Variants in TMCC2 observed in about 807,000 individuals in gnomAD.
TMCC2 encodes the protein transmembrane and coiled-coil domains protein 2.
In TMCC2, 16 loss-of-function variants were observed where a neutral mutation model predicts 49.4. The observed-to-expected ratio is 0.32, with a 90% confidence interval of 0.22 to 0.49. TMCC2 has a LOEUF of 0.49. Ranked by LOEUF, TMCC2 falls within the 20% of genes least tolerant of loss-of-function variation. The pLI is 0.99. For synonymous variants in TMCC2, 397 were observed against 434.1 expected (o/e 0.91, Z 1.06); for missense variants, 762 against 989.8 (o/e 0.77, Z 3.09).
chr1:205,257,410 G>T, intron 2 of TMCC2: 1 of 1,231,996 alleles, frequency 8.1e-7, no homozygotes, highest in South Asian at 4.1e-5. Flanking sequence ...CACCGGGCGG[G>T]GTGGAGTTGG....
chr1:205,228,931 A>G, intron 1 of TMCC2, 160 bp downstream of exon 1: 5 of 1,427,252 alleles, frequency 3.5e-6, no homozygotes, highest in Non-Finnish European at 4.6e-6. Flanking sequence ...GACGTCAGGT[A>G]CCATTTATGC....
At chr1:205,263,423 G>T (rs1189786996) in intron 2 of TMCC2, among the ~76,000 whole-genome samples, 5 of 152,160 alleles carry the variant, frequency 3.3e-5, no homozygotes, top group South Asian at 4.1e-4. Context: ...GTGCAGCTTG[G>T]CTCAGGCCTG....
At chr1:205,256,073 C>T (rs1660859021) in intron 2 of TMCC2, 1 of 641,722 alleles carries the variant, frequency 1.6e-6, no homozygotes, top group Admixed American at 3.3e-5. Flanking sequence ...GCCTGCAAGC[C>T]CTGGCACTGG....
At chr1:205,257,568 G>A (rs901498836) in intron 2 of TMCC2, among the ~76,000 whole-genome samples, 2 of 152,218 alleles carry the variant, frequency 1.3e-5, no homozygotes, top group African/African-American at 4.8e-5. Context: ...GAGAGCCCCT[G>A]GGGTTGGATG....
chr1:205,234,760 A>G (rs1011617381), intron 1 of TMCC2, among the ~76,000 whole-genome samples: 2 of 151,822 alleles, frequency 1.3e-5, no homozygotes, highest in Non-Finnish European at 2.9e-5. Context: ...CCCGGGTTCA[A>G]GCGGTTCTCC....
chr1:205,263,400 A>G (rs966245410), intron 2 of TMCC2, among the ~76,000 whole-genome samples: 1 of 152,192 alleles, frequency 6.6e-6, no homozygotes, highest in Non-Finnish European at 1.5e-5. Flanking sequence ...GTAAAAACCC[A>G]CAGTCTGGCC....
At chr1:205,244,280 G>T (rs115593867) in intron 2 of TMCC2, among the ~76,000 whole-genome samples, 3 of 152,180 alleles carry the variant, frequency 2.0e-5, no homozygotes, top group African/African-American at 7.2e-5. Flanking sequence ...GGCAGAGATC[G>T]AAGATAGCAG....
intron 1 of TMCC2, chr1:205,230,275 G>A: frequency 1.4e-6 from 1 of 708,362 alleles, no homozygotes; most frequent in Non-Finnish European, 1.7e-6. Flanking sequence ...TTTAAACTTT[G>A]CAGTAATTAT....
chr1:205,231,860 C>T (rs898379965), intron 1 of TMCC2, among the ~76,000 whole-genome samples: 1 of 152,076 alleles, frequency 6.6e-6, no homozygotes, highest in African/African-American at 2.4e-5. Context: ...ATCTTAGTTC[C>T]ATTTCTGTTT....
chr1:205,241,753 G>A lies in TMCC2; in HGVS notation c.456G>A (p.Leu152=), dbSNP rs368073852. Residue 152 remains leucine, a synonymous_variant, in exon 2 of 5, where the codon CTG becomes CTA. Coordinates refer to ENST00000358024, the MANE Select transcript of TMCC2 (RefSeq NM_014858.4). The surrounding 1 kb of genome is among the most constrained non-coding windows in gnomAD (Gnocchi z 7.3). ...PARPTAFNRV[L]QQIRSRPSIK... is the part of the protein sequence containing the mutation. ...GGCCCACCGCCTTCAACCGCGTGCT[G>A]CAGCAGATCCGCTCCCGGCCCTCCA... 1.9e-6 allele frequency: 3 copies of A among 1,612,652 alleles called. No homozygotes were observed. Among genetic ancestry groups the A allele is most frequent in the South Asian group, 1.1e-5 (1 of 91,058 alleles).
At chr1:205,271,713 G>A in intron 4 of TMCC2, 100 bp from the exon 5 acceptor site, 2 of 1,464,812 alleles carry the variant, frequency 1.4e-6, no homozygotes, top group Non-Finnish European at 1.8e-6. Context: ...TTGGAGAGGA[G>A]ACTTCGTTAT....
chr1:205,241,906 G>T lies in TMCC2; in HGVS notation c.609G>T (p.Gln203His). The change falls in exon 2 of 5, where the codon CAG (glutamine) becomes CAT (histidine). Residue 203 changes from glutamine (Q) to histidine (H), a missense_variant. This residue lies in a region of TMCC2 where 322 missense variants were observed against 353.1 expected (regional missense o/e 0.91). Transcript: ENST00000358024. This position sits in a 1 kb window ranked among gnomAD's most constrained non-coding sequence, Gnocchi z 7.3. ...CTCACCTGCTGCGCAAGGCCCCCCA[G>T]GACAGCAGCCTGGCCGCCATCCTGC... ...GSPHLLRKAP[Q>H]DSSLAAILHQ... 1 of 1,609,726 alleles carries T rather than the reference G, an allele frequency of 6.2e-7. No individual in the cohort carries two copies.
chr1:205,234,022 C>T (rs1450773592), intron 1 of TMCC2: 1 of 152,134 alleles, frequency 6.6e-6, no homozygotes, highest in East Asian at 1.9e-4. Context: ...CGATGGCTCT[C>T]TGAGGGCCTG....
intron 1 of TMCC2, 99 bp downstream of exon 1, chr1:205,228,870 C>T: frequency 6.8e-7 from 1 of 1,466,902 alleles, no homozygotes; most frequent in Non-Finnish European, 9.0e-7. Context: ...GGGGGGAAGC[C>T]AGGCAAAGGT....
Position 205,271,159 on chromosome 1 carries a change from G to A in TMCC2, c.1722G>A (p.Glu574=). The change falls in exon 4 of 5, where the codon GAG becomes GAA. Residue 574 remains glutamate, a synonymous_variant. Coordinates refer to ENST00000358024, the MANE Select transcript of TMCC2 (RefSeq NM_014858.4). ...AGGAGCAGCTCAACGACCTGACTGA[G>A]CTTCATCAGAACGAGATGACGAACC... ...RLEEQLNDLT[E]LHQNEMTNLK... 6.2e-7 allele frequency: 1 copy of A among 1,613,694 alleles called. No homozygotes were observed. The highest frequency in any genetic ancestry group is 8.5e-7 in the Non-Finnish European group (1 of 1,179,974).
chr1:205,244,553 G>A (rs1333308234), intron 2 of TMCC2, among the ~76,000 whole-genome samples: 6 of 152,178 alleles, frequency 3.9e-5, no homozygotes, highest in Non-Finnish European at 4.4e-5. Context: ...AGGAACTCAC[G>A]GGTGACCTGT....
chr1:205,258,897 G>A (rs1293657345), intron 2 of TMCC2, among the ~76,000 whole-genome samples: 2 of 152,202 alleles, frequency 1.3e-5, no homozygotes, highest in Non-Finnish European at 2.9e-5. Context: ...GAATCTGAGC[G>A]TTCTTTATCC....
chr1:205,251,492 A>G (rs577470992), intron 2 of TMCC2, among the ~76,000 whole-genome samples: 102 of 152,312 alleles, frequency 6.7e-4, no homozygotes, highest in Non-Finnish European at 1.1e-3. Context: ...GCTAGTGTCC[A>G]TAGCTAGTGA....
rs1661638541 is a variant in TMCC2, at chr1:205,272,477, G to A, written c.*353G>A. ...AAGACCATTAAGAATAGGAGGAGAG[G>A]GCTCTGCCTCAACTTTCCTAGGAAA... On this transcript the variant is annotated 3_prime_UTR_variant, in exon 5 of 5. Coordinates refer to ENST00000358024, the MANE Select transcript of TMCC2 (RefSeq NM_014858.4). The A allele has an allele frequency of 3.7e-6, 1 of 266,980 alleles. No homozygotes were observed. Among genetic ancestry groups the A allele is most frequent in the Non-Finnish European group, 7.1e-6 (1 of 140,582 alleles). 16.5% of individuals were successfully genotyped at this position (266,980 alleles called of 1,614,324 possible). A position where few individuals can be genotyped will look rare whatever the true frequency, so the allele number is the denominator to read the frequency against.
Sources: gnomAD v4.1 joint callset for allele counts (sites outside exome capture counted in the v4.1 genomes callset) on GRCh38, gnomAD v4.1.1 for gene constraint, gnomAD v4.1.1 regional missense constraint, Gnocchi (gnomAD v3.1) non-coding constraint, MANE v1.5 for transcripts, NCBI Gene and HGNC (gene_info 2026-07-23, HGNC 2026-07-21) for gene names.